TMPO: variants seen among roughly 807,000 people sequenced by gnomAD.
TMPO encodes the protein thymopoietin, also known as LEM domain containing 4.
A neutral mutation model predicts 45.4 loss-of-function variants in TMPO; 22 were observed. That is an observed-to-expected ratio of 0.48 (90% CI 0.35 to 0.69). TMPO has a LOEUF of 0.69. Among genes scored for constraint, TMPO ranks in the 30% least tolerant of loss-of-function variants. The pLI, the probability that TMPO is intolerant of heterozygous loss-of-function variation, is 0.01. For missense variants in TMPO, 512 were observed against 548.8 expected (o/e 0.93, Z 0.67); for synonymous variants, 241 against 204.1 (o/e 1.18, Z -1.54).
intron 7 of TMPO, 89 bp from the exon 8 acceptor site, chr12:98,546,270 T>A (rs1878221085): frequency 3.4e-6 from 3 of 882,908 alleles, no homozygotes; most frequent in Non-Finnish European, 5.8e-6. Context: ...AGGCATTTTG[T>A]TCTCTAAAAC....
chr12:98,515,820 AGCGGCGGCG>A lies in TMPO; in HGVS notation c.-45_-37del, dbSNP rs769833482. ...GGCCAGGAGCAAGCGCGCCGGCGTG[AGCGGCGGCG>A]GCAAAGGCTGTGGGGAGGGGGCTTC... is the stretch of plus-strand genomic sequence containing the variant. On this transcript the variant is annotated 5_prime_UTR_variant, in exon 1 of 9. Coordinates refer to ENST00000556029, the MANE Select transcript of TMPO (RefSeq NM_001032283.3). The A allele has an allele frequency of 6.3e-7, 1 of 1,579,618 alleles. No homozygotes were observed. Among genetic ancestry groups the A allele is most frequent in the Non-Finnish European group, 8.6e-7 (1 of 1,164,448 alleles).
At chr12:98,533,326 AG>A (rs1366926402) in intron 3 of TMPO, 1 of 1,614,182 alleles carries the variant, frequency 6.2e-7, no homozygotes, top group East Asian at 2.2e-5. Context: ...CTCCAGTAAA[AG>A]GAAAGCACTA....
chr12:98,531,245 T>TTTC (rs1349945886), intron 2 of TMPO, among the ~76,000 whole-genome samples: 1 of 149,314 alleles, frequency 6.7e-6, no homozygotes, highest in Non-Finnish European at 1.5e-5. Context: ...CTTTTTTTTT[T>TTTC]TTTTTTTTTT....
intron 3 of TMPO, among the ~76,000 whole-genome samples, chr12:98,537,026 C>T (rs1273198334): frequency 1.3e-5 from 2 of 152,078 alleles, no homozygotes; most frequent in Admixed American, 6.5e-5. Context: ...TTTAAACTTT[C>T]CCTTCTATGT....
In TMPO at chr12:98,548,120, A is replaced by G; in HGVS notation, c.*262A>G. The G allele has an allele frequency of 2.8e-6, 1 of 357,084 alleles. No homozygotes were observed. The highest frequency in any genetic ancestry group is 5.0e-6 in the Non-Finnish European group (1 of 198,748). The allele number at this position is 357,084 out of a possible 1,614,324, so 22.1% of individuals were successfully genotyped here. On this transcript the variant is annotated 3_prime_UTR_variant, in exon 9 of 9. Transcript: ENST00000556029. Reference sequence around the variant, plus strand: ...AACTTTTTGTAGGCTTTATTTTTTTAATGTGGGCATCTTATTTCATTTTTG... The same window carrying G: ...AACTTTTTGTAGGCTTTATTTTTTTGATGTGGGCATCTTATTTCATTTTTG...
chr12:98,522,516 A>C (rs1876449852), intron 1 of TMPO, among the ~76,000 whole-genome samples: 1 of 152,202 alleles, frequency 6.6e-6, no homozygotes, highest in Non-Finnish European at 1.5e-5. Context: ...CAGTGTCTTA[A>C]TCTAAGATCC....
At position 98,549,740 on chromosome 12, in the gene TMPO, C is replaced by T. The variant is rs1007972488; in HGVS notation, c.*1882C>T. The T allele has an allele frequency of 1.3e-5, 2 of 152,170 alleles. No individual in the cohort carries two copies. The highest frequency in any genetic ancestry group is 2.9e-5 in the Non-Finnish European group (2 of 68,036). 9.4% of individuals were successfully genotyped at this position (152,170 alleles called of 1,614,324 possible). A position where few individuals can be genotyped will look rare whatever the true frequency, so the allele number is the denominator to read the frequency against. ...CCGAAGATGTATATTTAGACCAGCACACAATTTTGATTTCAATTAGCCTTA... is the reference window on the plus strand; with the variant it reads ...CCGAAGATGTATATTTAGACCAGCATACAATTTTGATTTCAATTAGCCTTA... On this transcript the variant is annotated 3_prime_UTR_variant, in exon 9 of 9. Transcript: ENST00000556029.
intron 3 of TMPO, chr12:98,534,571 C>T: frequency 7.6e-7 from 1 of 1,314,026 alleles, no homozygotes; most frequent in Non-Finnish European, 9.7e-7. Context: ...CTTTCTAGAT[C>T]ACATATTAGT....
intron 1 of TMPO, among the ~76,000 whole-genome samples, chr12:98,520,356 G>A (rs1342148634): frequency 1.4e-5 from 2 of 148,130 alleles, no homozygotes; most frequent in African/African-American, 5.0e-5. Context: ...AGGCTGGAGT[G>A]CAGTGGCATG....
Position 98,515,891 on chromosome 12 carries a change from C to G in TMPO, c.24C>G (p.Pro8=). The G allele has an allele frequency of 6.2e-7, 1 of 1,613,668 alleles. No homozygotes were observed. The highest frequency in any genetic ancestry group is 8.5e-7 in the Non-Finnish European group (1 of 1,179,788). The change falls in exon 1 of 9, where the codon CCC becomes CCG. Residue 8 remains proline (P), a synonymous_variant. Coordinates refer to ENST00000556029, the MANE Select transcript of TMPO (RefSeq NM_001032283.3). Reference sequence around the variant, plus strand: ...AGATGCCGGAGTTCCTGGAAGACCCCTCGGTCCTGACAAAAGACAAGTTGA... The same window carrying G: ...AGATGCCGGAGTTCCTGGAAGACCCGTCGGTCCTGACAAAAGACAAGTTGA... The part of the protein sequence containing the change: MPEFLED[P]SVLTKDKLKS...
At chr12:98,539,011 A>AG (rs1427160604) in intron 4 of TMPO, among the ~76,000 whole-genome samples, 10 of 151,822 alleles carry the variant, frequency 6.6e-5, no homozygotes, top group Non-Finnish European at 1.5e-4. Context: ...GACGAGCCTG[A>AG]CCAACATGGA....
chr12:98,547,326 T>C (rs1422758048), intron 8 of TMPO, among the ~76,000 whole-genome samples: 1 of 152,290 alleles, frequency 6.6e-6, no homozygotes, highest in East Asian at 1.9e-4. Flanking sequence ...CTGCCCGCCT[T>C]GGCCTCCCAA....
chr12:98,541,655 T>C (rs1877921354), intron 4 of TMPO, among the ~76,000 whole-genome samples: 1 of 152,184 alleles, frequency 6.6e-6, no homozygotes, highest in African/African-American at 2.4e-5. Context: ...AATAGTTAGG[T>C]TTTTTTGTTC....
intron 2 of TMPO, among the ~76,000 whole-genome samples, chr12:98,530,357 CA>C (rs1238238452): frequency 6.6e-6 from 1 of 151,726 alleles, no homozygotes; most frequent in African/African-American, 2.4e-5. Flanking sequence ...AAAGAAATTC[CA>C]AAAGGGAGAC....
rs1001615865 is a variant in TMPO at position 98,527,998 on chromosome 12, C to G, written c.392C>G (p.Pro131Arg). The G allele has an allele frequency of 8.1e-6, 13 of 1,613,758 alleles. No individual in the cohort carries two copies. The highest frequency in any genetic ancestry group is 4.0e-5 in the African/African-American group (3 of 74,904). ...LDQLVKYGVN[P>R]GPIVGTTRKL... ...CAGCTTGTGAAATACGGAGTGAATC[C>G]TGGTCCTATTGTGGGTAAGTTGATA... The change falls in exon 2 of 9, where the codon CCT becomes CGT. Residue 131 changes from proline to arginine, a missense_variant. Physicochemically the swap from Pro to Arg is moderately radical, Grantham distance 103. Around this residue, in one of 3 missense-constraint regions of TMPO, gnomAD observed 299 missense variants for 296.7 expected, o/e 1.01. Transcript: ENST00000556029.
intron 1 of TMPO, chr12:98,516,391 G>A: frequency 8.4e-7 from 1 of 1,195,574 alleles, no homozygotes; most frequent in South Asian, 4.2e-5. Context: ...GAGTTGCGTT[G>A]GCGGCGGTTG....
intron 7 of TMPO, among the ~76,000 whole-genome samples, chr12:98,545,835 C>T (rs1333288175): frequency 7.9e-5 from 12 of 151,956 alleles, no homozygotes; most frequent in African/African-American, 2.7e-4. Flanking sequence ...TGGGTTCAAG[C>T]GATTCTCCTG....
At chr12:98,547,210 G>A (rs1453567946) in intron 8 of TMPO, among the ~76,000 whole-genome samples, 1 of 151,860 alleles carries the variant, frequency 6.6e-6, no homozygotes, top group African/African-American at 2.4e-5. Flanking sequence ...TGAGTAGCTG[G>A]GATTACAGGC....
intron 4 of TMPO, among the ~76,000 whole-genome samples, chr12:98,538,518 A>G (rs974960362): frequency 6.6e-6 from 1 of 151,896 alleles, no homozygotes; most frequent in African/African-American, 2.4e-5. Flanking sequence ...ACGCTCAGCT[A>G]ATTTTTGTAT....
Sources: allele counts gnomAD v4.1 joint callset (sites outside exome capture counted in the v4.1 genomes callset), GRCh38; gene constraint gnomAD v4.1.1; regional missense constraint gnomAD v4.1.1; transcripts MANE v1.5; gene names NCBI Gene and HGNC (gene_info 2026-07-23, HGNC 2026-07-21).